WDR20: variants seen among roughly 807,000 people sequenced by gnomAD.
WDR20 encodes the protein WD repeat-containing protein 20.
Under a neutral mutation model 38.7 loss-of-function variants are expected in WDR20, and 3 were observed. The ratio of observed to expected loss-of-function variants is 0.08; its 90% confidence interval spans 0.04 to 0.20. WDR20 has a LOEUF of 0.20. WDR20 is among the 10% of genes least tolerant of loss of function. The pLI is 1.00. For missense variants in WDR20, 559 were observed against 727.7 expected (o/e 0.77, Z 2.67); for synonymous variants, 298 against 285.6 (o/e 1.04, Z -0.44).
At chr14:102,202,721 G>A (rs190860397) in intron 2 of WDR20, among the ~76,000 whole-genome samples, 2 of 151,690 alleles carry the variant, frequency 1.3e-5, no homozygotes, top group African/African-American at 2.4e-5. Context: ...CTCTTCCTCC[G>A]CTGCACCTGC....
At chr14:102,194,363 A>G (rs2059059417) in intron 1 of WDR20, among the ~76,000 whole-genome samples, 1 of 152,254 alleles carries the variant, frequency 6.6e-6, no homozygotes. Context: ...AGCGGGCATC[A>G]GAATCACCTG....
chr14:102,165,105 C>T (rs1215018220), intron 1 of WDR20, among the ~76,000 whole-genome samples: 1 of 152,130 alleles, frequency 6.6e-6, no homozygotes, highest in African/African-American at 2.4e-5. Flanking sequence ...TTCTGGACCA[C>T]CTGTTTCCAG....
intron 1 of WDR20, among the ~76,000 whole-genome samples, chr14:102,189,209 CAAT>C (rs879341112): frequency 1.3e-5 from 2 of 151,562 alleles, no homozygotes; most frequent in African/African-American, 4.8e-5. Flanking sequence ...GACCCTGTCT[CAAT>C]AATAATAATA....
chr14:102,176,832 C>A (rs2062227415), intron 1 of WDR20, among the ~76,000 whole-genome samples: 1 of 151,920 alleles, frequency 6.6e-6, no homozygotes, highest in Admixed American at 6.6e-5. Flanking sequence ...CTCCCGGGTT[C>A]ATTCTCCTGC....
intron 2 of WDR20, among the ~76,000 whole-genome samples, chr14:102,196,377 C>T (rs2059407754): frequency 6.6e-6 from 1 of 152,030 alleles, no homozygotes; most frequent in African/African-American, 2.4e-5. Flanking sequence ...TTTTTAGTAT[C>T]ATCTGCAGAA....
intron 1 of WDR20, among the ~76,000 whole-genome samples, chr14:102,164,776 T>C (rs1375679893): frequency 6.6e-6 from 1 of 152,264 alleles, no homozygotes; most frequent in Non-Finnish European, 1.5e-5. Context: ...AGAATTTAAC[T>C]ATCGGATTTC....
intron 2 of WDR20, among the ~76,000 whole-genome samples, chr14:102,204,082 A>G (rs1250189775): frequency 6.6e-6 from 1 of 152,122 alleles, no homozygotes; most frequent in East Asian, 1.9e-4. Context: ...CCTGTTCCTT[A>G]GAACGCTTGG....
intron 1 of WDR20, among the ~76,000 whole-genome samples, chr14:102,181,997 C>T (rs1260351006): frequency 6.6e-6 from 1 of 152,066 alleles, no homozygotes; most frequent in Non-Finnish European, 1.5e-5. Flanking sequence ...CTTCTAAATG[C>T]TAAAAATATT....
At chr14:102,195,664 G>T (rs1317496857) in intron 2 of WDR20, among the ~76,000 whole-genome samples, 3 of 152,236 alleles carry the variant, frequency 2.0e-5, no homozygotes, top group Non-Finnish European at 4.4e-5. Context: ...TTTTGCCAGT[G>T]TTGTAGTATG....
intron 1 of WDR20, among the ~76,000 whole-genome samples, chr14:102,141,916 T>A (rs960876428): frequency 2.0e-4 from 31 of 152,130 alleles, no homozygotes; most frequent in Admixed American, 9.8e-4. Flanking sequence ...ACTTAAAAAT[T>A]TTTTTTTCTT....
chr14:102,151,724 CTCTTT>C (rs2055938988), intron 1 of WDR20, among the ~76,000 whole-genome samples: 1 of 150,844 alleles, frequency 6.6e-6, no homozygotes, highest in Non-Finnish European at 1.5e-5. Flanking sequence ...GACATGGGTA[CTCTTT>C]TCTTTTCCTT....
At chr14:102,171,257 T>C (rs1742633) in intron 1 of WDR20, 151 of 11,124 alleles carry the variant, frequency 0.014, no homozygotes, top group Non-Finnish European at 0.045. Context: ...GCCTCTCTCT[T>C]TTTTTTTTTT....
rs1555400497 is a variant in WDR20 at position 102,200,465 on chromosome 14, T to TGTGTG, written c.432+5345_432+5346insGTGTG. Among the ~76,000 whole-genome samples the TGTGTG allele has an allele frequency of 6.3e-4, 62 of 98,682 alleles. 1 individual carries two copies. The highest frequency in any genetic ancestry group is 1.5e-3 in the African/African-American group (29 of 18,870). The allele number at this position is 98,682 out of a possible 152,430, so 64.7% of individuals were successfully genotyped here. A position where few individuals can be genotyped will look rare whatever the true frequency, so the allele number is the denominator to read the frequency against. ...AGGAGTTTACTTTTTAAATTTTTTTTTTTGTGTGTGTGTGTGTGTGTGTGT... is the reference window on the plus strand; with the variant it reads ...AGGAGTTTACTTTTTAAATTTTTTTTGTGTGTTTGTGTGTGTGTGTGTGTGTGTGT... On this transcript the variant is annotated intron_variant, in intron 2 of 2. Transcript: ENST00000342702.
chr14:102,193,457 C>A lies in WDR20; in HGVS notation c.250-1481C>A, dbSNP rs978526670. The A allele has an allele frequency of 3.7e-6, 6 of 1,613,372 alleles. No individual in the cohort carries two copies. The East Asian group carries it at 1.3e-4, about 36-fold the overall frequency. On this transcript the variant is annotated intron_variant, in intron 1 of 2. Transcript: ENST00000342702. ...CATGTATATATTCTCTTATTTCATCCTCCAGACAATCCCATGAGGTTGGTA... is the reference window on the plus strand; with the variant it reads ...CATGTATATATTCTCTTATTTCATCATCCAGACAATCCCATGAGGTTGGTA...
chr14:102,210,861 G>C (rs2062418963), downstream of WDR20, among the ~76,000 whole-genome samples: 1 of 152,116 alleles, frequency 6.6e-6, no homozygotes, highest in South Asian at 2.1e-4. Flanking sequence ...CCCTCGTTTG[G>C]GCTTCGTCCC....
At chr14:102,145,782 ACAAT>A (rs958855222) in intron 1 of WDR20, among the ~76,000 whole-genome samples, 11 of 151,924 alleles carry the variant, frequency 7.2e-5, no homozygotes, top group African/African-American at 2.7e-4. Flanking sequence ...AAAAAACAAA[ACAAT>A]CAATAATAAA....
intron 1 of WDR20, among the ~76,000 whole-genome samples, chr14:102,187,911 A>G (rs1225649727): frequency 6.6e-6 from 1 of 152,156 alleles, no homozygotes; most frequent in Non-Finnish European, 1.5e-5. Flanking sequence ...GGTGTAGGCC[A>G]GGTAAGTTTC....
intron 1 of WDR20, among the ~76,000 whole-genome samples, chr14:102,167,251 C>G (rs940457857): frequency 2.0e-5 from 3 of 152,240 alleles, no homozygotes; most frequent in Middle Eastern, 3.4e-3. Flanking sequence ...CTTGCTTTGT[C>G]TTCCAGGCTG....
intron 1 of WDR20, among the ~76,000 whole-genome samples, chr14:102,183,754 T>G (rs2063911556): frequency 6.6e-6 from 1 of 152,248 alleles, no homozygotes. Flanking sequence ...TTGTTGCTTA[T>G]GTTACTCAGC....
Sources: allele counts gnomAD v4.1 joint callset (sites outside exome capture counted in the v4.1 genomes callset), GRCh38; gene constraint gnomAD v4.1.1; transcripts MANE v1.5; gene names NCBI Gene and HGNC (gene_info 2026-07-23, HGNC 2026-07-21).